KSR2: variants seen among roughly 807,000 people sequenced by gnomAD.
KSR2 encodes the protein kinase suppressor of ras 2.
A neutral mutation model predicts 107.8 loss-of-function variants in KSR2; 25 were observed. That is an observed-to-expected ratio of 0.23 (90% confidence interval 0.17 to 0.32). The LOEUF is 0.32. KSR2 is among the 10% of genes least tolerant of loss of function. The pLI, the probability that KSR2 is intolerant of heterozygous loss-of-function variation, is 1.00. For synonymous variants in KSR2, 480 were observed against 507.0 expected (o/e 0.95, Z 0.71); for missense variants, 887 against 1,268.9 (o/e 0.70, Z 4.57).
chr12:117,883,344 C>A (rs1894083224), intron 1 of KSR2, among the ~76,000 whole-genome samples: 1 of 152,188 alleles, frequency 6.6e-6, no homozygotes, highest in Admixed American at 6.6e-5. Flanking sequence ...GATAATGTTT[C>A]TAAAATGCCT....
At chr12:117,490,144 C>T (rs1872671457) in intron 14 of KSR2, among the ~76,000 whole-genome samples, 1 of 152,158 alleles carries the variant, frequency 6.6e-6, no homozygotes, top group Non-Finnish European at 1.5e-5. Flanking sequence ...TTGATGGGAA[C>T]CCATTCCCGA....
intron 5 of KSR2, among the ~76,000 whole-genome samples, chr12:117,612,933 T>G (rs1044784929): frequency 1.3e-5 from 2 of 152,240 alleles, no homozygotes; most frequent in African/African-American, 4.8e-5. Flanking sequence ...AGATGTACCT[T>G]GCTTCCCCTT....
intron 17 of KSR2, among the ~76,000 whole-genome samples, chr12:117,475,794 G>A (rs943119798): frequency 7.9e-5 from 12 of 152,188 alleles, no homozygotes; most frequent in African/African-American, 1.7e-4. Flanking sequence ...AACAGCATAT[G>A]GTAGGAGCAA....
intron 1 of KSR2, among the ~76,000 whole-genome samples, chr12:117,899,433 C>T (rs893528653): frequency 3.3e-5 from 5 of 152,100 alleles, no homozygotes; most frequent in African/African-American, 1.2e-4. Context: ...TTCAAGGCTA[C>T]AGTGAGCTAT....
chr12:117,840,081 TTTTATTTTAC>T (rs1892400638), intron 3 of KSR2, among the ~76,000 whole-genome samples: 1 of 150,322 alleles, frequency 6.7e-6, no homozygotes, highest in African/African-American at 2.5e-5. Flanking sequence ...TCCCATTTTA[TTTTATTTTAC>T]TTTATTTTAT....
intron 3 of KSR2, among the ~76,000 whole-genome samples, chr12:117,806,540 T>C (rs983791377): frequency 6.6e-6 from 1 of 152,226 alleles, no homozygotes; most frequent in Non-Finnish European, 1.5e-5. Context: ...AAATTGACCA[T>C]TTTCACACAG....
Position 117,458,544 on chromosome 12 carries a change from T to C in KSR2, c.*8655A>G, listed in dbSNP as rs1870740151. ...GCTCAATGGAGGGAGGGAGCCTTTC[T>C]TCTGAGCTAATTTAAGCTAAATACA... On this transcript the variant is annotated 3_prime_UTR_variant, in exon 20 of 20. Transcript: ENST00000339824. 6.6e-6 allele frequency: 1 copy of C among 152,204 alleles called. No homozygotes were observed. The highest frequency in any genetic ancestry group is 1.5e-5 in the Non-Finnish European group (1 of 68,040). The allele number at this position is 152,204 out of a possible 1,614,324, so 9.4% of individuals were successfully genotyped here.
intron 14 of KSR2, among the ~76,000 whole-genome samples, chr12:117,519,769 A>AGTGTGT (rs908239954): frequency 5.3e-5 from 8 of 150,330 alleles, no homozygotes; most frequent in Non-Finnish European, 1.2e-4. Flanking sequence ...AAGAGGAGCG[A>AGTGTGT]GTGTGTGTGT....
chr12:117,874,190 G>A (rs1893752153), intron 1 of KSR2, among the ~76,000 whole-genome samples: 1 of 152,010 alleles, frequency 6.6e-6, no homozygotes, highest in Non-Finnish European at 1.5e-5. Flanking sequence ...TTCCAGAATG[G>A]TTCCTTGAGT....
chr12:117,526,393 C>T (rs1875169580), intron 13 of KSR2, among the ~76,000 whole-genome samples: 1 of 152,158 alleles, frequency 6.6e-6, no homozygotes, highest in Non-Finnish European at 1.5e-5. Context: ...GATGAAACAG[C>T]CTGAGAAGGT....
At chr12:117,949,553 G>A (rs755413469) in intron 1 of KSR2, among the ~76,000 whole-genome samples, 5 of 152,106 alleles carry the variant, frequency 3.3e-5, no homozygotes, top group Non-Finnish European at 7.4e-5. Context: ...AATTTTGTGG[G>A]CAAAAGAACT....
intron 5 of KSR2, among the ~76,000 whole-genome samples, chr12:117,626,087 T>C (rs559638285): frequency 1.3e-5 from 2 of 152,316 alleles, no homozygotes; most frequent in African/African-American, 4.8e-5. Flanking sequence ...ATTTGATTCT[T>C]CTCTCTTTTC....
intron 4 of KSR2, among the ~76,000 whole-genome samples, chr12:117,671,345 T>C (rs570881881): frequency 1.3e-5 from 2 of 152,272 alleles, no homozygotes; most frequent in East Asian, 1.9e-4. Flanking sequence ...GATAGATAGA[T>C]AGATAGATAG....
chr12:117,552,044 T>C (rs1403396774), intron 9 of KSR2, among the ~76,000 whole-genome samples: 2 of 152,202 alleles, frequency 1.3e-5, no homozygotes, highest in African/African-American at 4.8e-5. Context: ...ACAATTATTA[T>C]ACTTCCCAGA....
At chr12:117,749,223 C>A (rs1184262953) in intron 4 of KSR2, among the ~76,000 whole-genome samples, 2 of 150,834 alleles carry the variant, frequency 1.3e-5, no homozygotes, top group African/African-American at 4.9e-5. Context: ...GCCACAGCTG[C>A]AGGTGACATC....
intron 4 of KSR2, among the ~76,000 whole-genome samples, chr12:117,740,533 A>G (rs1888158332): frequency 7.2e-6 from 1 of 138,786 alleles, no homozygotes; most frequent in African/African-American, 2.6e-5. Flanking sequence ...TACATATATT[A>G]TATATGTAAT....
Position 117,962,147 on chromosome 12 carries a change from T to TAA in KSR2, c.180+5927_180+5928dup, listed in dbSNP as rs36119176. 2.0e-4 allele frequency among the ~76,000 whole-genome samples: 23 copies of TAA among 112,462 alleles called. No homozygotes were observed. In the East Asian group the frequency reaches 2.6e-3, roughly 13 times the overall value. 73.8% of individuals were successfully genotyped at this position (112,462 alleles called of 152,430 possible). ...GTGACAGAGCAAGACCCTGTCTCTT[T>TAA]AAAAAAAAAAAAAAAAAAAAAGCTA... On this transcript the variant is annotated intron_variant, in intron 1 of 19. Transcript: ENST00000339824.
intron 3 of KSR2, among the ~76,000 whole-genome samples, chr12:117,771,193 C>T (rs920245764): frequency 1.3e-5 from 2 of 152,172 alleles, no homozygotes; most frequent in Non-Finnish European, 2.9e-5. Flanking sequence ...TAGGACAAAC[C>T]TGCCTCCCAT....
At chr12:117,603,262 T>A (rs1881054505) in intron 5 of KSR2, among the ~76,000 whole-genome samples, 1 of 152,230 alleles carries the variant, frequency 6.6e-6, no homozygotes, top group South Asian at 2.1e-4. Flanking sequence ...CAAAAATCCC[T>A]AACTTCCTTA....
Sources: gnomAD v4.1 joint callset for allele counts (sites outside exome capture counted in the v4.1 genomes callset) on GRCh38, gnomAD v4.1.1 for gene constraint, MANE v1.5 for transcripts, NCBI Gene and HGNC (gene_info 2026-07-23, HGNC 2026-07-21) for gene names.